Variants in RHEX observed in about 807,000 individuals in gnomAD.
RHEX encodes regulator of hemoglobinization and erythroid cell expansion, also known as regulator of hemoglobinization and erythroid cell expansion protein.
A neutral mutation model predicts 20.1 loss-of-function variants in RHEX; 18 were observed. The observed-to-expected ratio is 0.90, with a 90% confidence interval of 0.62 to 1.33. The LOEUF (loss-of-function observed/expected upper bound fraction) is 1.33. RHEX is among the 40% of genes most tolerant of loss of function. The pLI, the probability that RHEX is intolerant of heterozygous loss-of-function variation, is 0.00. For missense variants in RHEX, 192 were observed against 214.3 expected (o/e 0.90, Z 0.65); for synonymous variants, 87 against 77.1 (o/e 1.13, Z -0.67).
chr1:206,064,878 G>A (rs1053135566), intron 1 of RHEX, among the ~76,000 whole-genome samples: 1 of 148,084 alleles, frequency 6.8e-6, no homozygotes, highest in South Asian at 2.1e-4. Flanking sequence ...GATGGTTGCC[G>A]TGTCTGTGTA....
intron 1 of RHEX, among the ~76,000 whole-genome samples, chr1:206,073,481 TTATTATCA>T (rs1377721611): frequency 1.1e-4 from 16 of 152,178 alleles, no homozygotes; most frequent in Admixed American, 9.8e-4. Flanking sequence ...AGTATTATTA[TTATTATCA>T]TCTCTAAGAA....
intron 1 of RHEX, among the ~76,000 whole-genome samples, chr1:206,069,390 T>C (rs1368643068): frequency 6.6e-6 from 1 of 152,250 alleles, no homozygotes; most frequent in Non-Finnish European, 1.5e-5. Flanking sequence ...GCCTTTGTTC[T>C]GGCTTCTGTA....
chr1:206,055,888 C>T (rs894007369), intron 1 of RHEX, among the ~76,000 whole-genome samples: 23 of 152,276 alleles, frequency 1.5e-4, no homozygotes, highest in African/African-American at 4.6e-4. Flanking sequence ...GGTTTCCAAA[C>T]GCTGGCCCCC....
At chr1:206,082,038 G>A (rs1466447477) in intron 1 of RHEX, among the ~76,000 whole-genome samples, 1 of 152,116 alleles carries the variant, frequency 6.6e-6, no homozygotes, top group Admixed American at 6.5e-5. Context: ...GGCTCCCAGT[G>A]TTCTGCTTTC....
chr1:206,071,600 G>A (rs1267473113), intron 1 of RHEX, among the ~76,000 whole-genome samples: 3 of 149,318 alleles, frequency 2.0e-5, no homozygotes, highest in Non-Finnish European at 4.4e-5. Context: ...TCATCCCAGC[G>A]CTTTGGGAGG....
intron 1 of RHEX, among the ~76,000 whole-genome samples, chr1:206,063,491 G>T (rs980299754): frequency 1.3e-5 from 2 of 152,166 alleles, no homozygotes; most frequent in African/African-American, 4.8e-5. Context: ...CAACCTCCCT[G>T]CCTGATTCTC....
chr1:206,071,609 G>A (rs747531396), intron 1 of RHEX, among the ~76,000 whole-genome samples: 25 of 151,046 alleles, frequency 1.7e-4, no homozygotes, highest in Non-Finnish European at 3.5e-4. Context: ...CGCTTTGGGA[G>A]GGCAAGGTGA....
chr1:206,085,969 G>A (rs1662830021), intron 1 of RHEX, among the ~76,000 whole-genome samples: 1 of 152,166 alleles, frequency 6.6e-6, no homozygotes, highest in South Asian at 2.1e-4. Context: ...GAGCCAAAGA[G>A]AATCCAGGAA....
chr1:206,057,574 GC>G (rs1220773073), intron 1 of RHEX, among the ~76,000 whole-genome samples: 1 of 152,254 alleles, frequency 6.6e-6, no homozygotes, highest in East Asian at 1.9e-4. Flanking sequence ...GGACTGGACG[GC>G]CCCCACTGGG....
intron 1 of RHEX, among the ~76,000 whole-genome samples, chr1:206,079,059 C>T (rs1484243341): frequency 2.0e-5 from 3 of 152,162 alleles, no homozygotes; most frequent in African/African-American, 7.2e-5. Context: ...TTAACCCCCC[C>T]AGTCTTGAGT....
intron 1 of RHEX, among the ~76,000 whole-genome samples, chr1:206,057,138 C>A (rs1323287476): frequency 6.6e-6 from 1 of 152,238 alleles, no homozygotes; most frequent in East Asian, 1.9e-4. Flanking sequence ...CTATGATGAA[C>A]TAAATGTGCC....
intron 1 of RHEX, among the ~76,000 whole-genome samples, chr1:206,066,556 G>T (rs1027086208): frequency 7.9e-5 from 12 of 152,226 alleles, no homozygotes; most frequent in Non-Finnish European, 1.5e-4. Context: ...CGTCAAGTTT[G>T]CAGTGAGCTG....
chr1:206,064,205 C>T (rs189876322), intron 1 of RHEX, among the ~76,000 whole-genome samples: 306 of 146,170 alleles, frequency 2.1e-3, no homozygotes, highest in South Asian at 0.01. Flanking sequence ...GCAGCCGCCC[C>T]GTCTGGGAAG....
At chr1:206,080,477 C>T (rs1662713894) in intron 1 of RHEX, among the ~76,000 whole-genome samples, 1 of 152,046 alleles carries the variant, frequency 6.6e-6, no homozygotes, top group African/African-American at 2.4e-5. Context: ...AGTGGGGAGG[C>T]TTGGGAAGGA....
At chr1:206,069,640 C>G (rs1381270508) in intron 1 of RHEX, among the ~76,000 whole-genome samples, 1 of 152,182 alleles carries the variant, frequency 6.6e-6, no homozygotes, top group Non-Finnish European at 1.5e-5. Flanking sequence ...AGGGACTCTT[C>G]AATACAGAAT....
intron 1 of RHEX, among the ~76,000 whole-genome samples, chr1:206,089,732 G>GT (rs35286804): frequency 0.012 from 1,707 of 145,116 alleles, 23 homozygotes; most frequent in African/African-American, 0.033. Flanking sequence ...ACTAGTTTCA[G>GT]TTTTTTTTTT....
intron 1 of RHEX, chr1:206,061,652 A>G (rs1662312613): frequency 2.6e-5 from 4 of 152,392 alleles, no homozygotes; most frequent in African/African-American, 7.2e-5. Flanking sequence ...CCAGGGTTCT[A>G]TCTCTAAAGG....
intron 1 of RHEX, among the ~76,000 whole-genome samples, chr1:206,097,112 C>A (rs782164928): frequency 2.6e-5 from 4 of 152,168 alleles, no homozygotes; most frequent in Admixed American, 6.5e-5. Context: ...GTGGAGTTTG[C>A]TGATCATTGG....
intron 1 of RHEX, among the ~76,000 whole-genome samples, chr1:206,076,665 G>A (rs1175419407): frequency 1.3e-5 from 2 of 152,206 alleles, no homozygotes; most frequent in African/African-American, 4.8e-5. Flanking sequence ...ATTCAGCCAT[G>A]TGACCAGCAT....
Sources: allele counts gnomAD v4.1 joint callset (sites outside exome capture counted in the v4.1 genomes callset), GRCh38; gene constraint gnomAD v4.1.1; transcripts MANE v1.5; gene names NCBI Gene and HGNC (gene_info 2026-07-23, HGNC 2026-07-21).